The following CHN2 variants were observed in gnomAD, a reference collection of about 807,000 sequenced individuals.
CHN2 encodes the protein beta-chimaerin.
A neutral mutation model predicts 56.3 loss-of-function variants in CHN2; 35 were observed. The observed-to-expected ratio is 0.62, with a 90% CI of 0.47 to 0.82. The LOEUF (loss-of-function observed/expected upper bound fraction) is 0.82, where lower values mean the gene tolerates loss of function less well. Among genes scored for constraint, CHN2 ranks in the 40% least tolerant of loss-of-function variants. The probability of loss-of-function intolerance (pLI) is 0.00; values close to 1 mark genes in which losing one functional copy is unlikely to be tolerated. For synonymous variants in CHN2, 210 were observed against 212.8 expected (o/e 0.99, Z 0.12); for missense variants, 491 against 580.5 (o/e 0.85, Z 1.58).
At chr7:29,228,633 C>G (rs1786419503) in intron 1 of CHN2, among the ~76,000 whole-genome samples, 1 of 152,168 alleles carries the variant, frequency 6.6e-6, no homozygotes, top group Non-Finnish European at 1.5e-5. Context: ...AATGACTAGA[C>G]CAGCAATATG....
intron 1 of CHN2, among the ~76,000 whole-genome samples, chr7:29,352,718 G>T (rs1797981763): frequency 6.6e-6 from 1 of 151,966 alleles, no homozygotes; most frequent in African/African-American, 2.4e-5. Flanking sequence ...GTGGGACTCT[G>T]TCTCAAAAAA....
intron 1 of CHN2, among the ~76,000 whole-genome samples, chr7:29,314,464 A>G (rs1280055667): frequency 6.6e-6 from 1 of 152,214 alleles, no homozygotes; most frequent in Non-Finnish European, 1.5e-5. Context: ...TTGGTCTCAC[A>G]ACCATGTCAA....
At chr7:29,357,555 A>C (rs562446130) in intron 2 of CHN2, among the ~76,000 whole-genome samples, 1 of 152,384 alleles carries the variant, frequency 6.6e-6, no homozygotes, top group African/African-American at 2.4e-5. Flanking sequence ...TCAACAATGA[A>C]TAAAATGTGG....
At chr7:29,425,239 T>G (rs1301173072) in intron 6 of CHN2, among the ~76,000 whole-genome samples, 1 of 152,226 alleles carries the variant, frequency 6.6e-6, no homozygotes, top group Non-Finnish European at 1.5e-5. Context: ...GATGTAGATT[T>G]CCAGATGAGT....
chr7:29,151,088 T>C (rs1793528848), intron 2 of CHN2, among the ~76,000 whole-genome samples: 1 of 152,196 alleles, frequency 6.6e-6, no homozygotes, highest in Admixed American at 6.5e-5. Context: ...CACAGACACA[T>C]GCCCTGATCA....
intron 1 of CHN2, among the ~76,000 whole-genome samples, chr7:29,305,787 C>CG (rs1794094752): frequency 6.6e-6 from 1 of 151,986 alleles, no homozygotes; most frequent in Non-Finnish European, 1.5e-5. Flanking sequence ...CTTCTCCTCC[C>CG]CTCCATCCTC....
chr7:29,503,546 T>A (rs941690647), intron 9 of CHN2, among the ~76,000 whole-genome samples: 9 of 152,136 alleles, frequency 5.9e-5, no homozygotes, highest in African/African-American at 2.2e-4. Flanking sequence ...CAATTGGAAC[T>A]GAGATGAATT....
chr7:29,292,999 T>A (rs1274282326), intron 1 of CHN2: 2 of 456,168 alleles, frequency 4.4e-6, no homozygotes, highest in Non-Finnish European at 8.8e-6. Context: ...GTCTTTGCAC[T>A]CAGAGCCAGC....
intron 7 of CHN2, among the ~76,000 whole-genome samples, chr7:29,480,878 G>A (rs1251195483): frequency 6.7e-6 from 1 of 148,638 alleles, no homozygotes; most frequent in Non-Finnish European, 1.5e-5. Flanking sequence ...TTTGTGCTCC[G>A]GGTACGGCTA....
intron 1 of CHN2, chr7:29,197,863 G>A (rs1446111204): frequency 4.0e-5 from 18 of 453,994 alleles, no homozygotes; most frequent in Middle Eastern, 3.2e-4. Context: ...CAAATTAGAG[G>A]GGTCAGTGGA....
At chr7:29,353,519 G>A (rs1798043416) in intron 1 of CHN2, among the ~76,000 whole-genome samples, 1 of 152,180 alleles carries the variant, frequency 6.6e-6, no homozygotes, top group African/African-American at 2.4e-5. Flanking sequence ...GCTGGGTGTG[G>A]TGGCGCACAC....
intron 1 of CHN2, among the ~76,000 whole-genome samples, chr7:29,225,044 C>G (rs529986726): frequency 1.3e-5 from 2 of 152,302 alleles, no homozygotes; most frequent in East Asian, 3.9e-4. Flanking sequence ...TGTAGCCTGC[C>G]TGAGTTGACA....
At chr7:29,249,950 C>G (rs1296397190) in intron 1 of CHN2, among the ~76,000 whole-genome samples, 2 of 152,126 alleles carry the variant, frequency 1.3e-5, no homozygotes, top group African/African-American at 2.4e-5. Context: ...TAAGAATTAC[C>G]TTTTCTTCTA....
chr7:29,202,762 G>A (rs897330168), intron 1 of CHN2, among the ~76,000 whole-genome samples: 1 of 152,216 alleles, frequency 6.6e-6, no homozygotes, highest in African/African-American at 2.4e-5. Context: ...TCCTTTTCAA[G>A]GAAGTGAAAC....
chr7:29,239,875 A>G (rs1423123874), intron 1 of CHN2, among the ~76,000 whole-genome samples: 1 of 152,222 alleles, frequency 6.6e-6, no homozygotes, highest in Non-Finnish European at 1.5e-5. Context: ...AAGTGCTCCT[A>G]TCAGGGAGAG....
At chr7:29,241,561 C>T (rs1196772032) in intron 1 of CHN2, among the ~76,000 whole-genome samples, 1 of 152,048 alleles carries the variant, frequency 6.6e-6, no homozygotes, top group Non-Finnish European at 1.5e-5. Flanking sequence ...TGAAAAGGAG[C>T]CTACCAGGCA....
chr7:29,416,378 A>G (rs944986773), intron 6 of CHN2, among the ~76,000 whole-genome samples: 6 of 152,256 alleles, frequency 3.9e-5, no homozygotes, highest in Admixed American at 2.0e-4. Flanking sequence ...GGATATTGAA[A>G]TGGAAATGTT....
chr7:29,305,841 T>TCTCCTCCTCCTCCTCCTTC (rs1562905123), intron 1 of CHN2, among the ~76,000 whole-genome samples: 1 of 150,492 alleles, frequency 6.6e-6, no homozygotes. Context: ...CCTCCTCCTT[T>TCTCCTCCTCCTCCTCCTTC]TCCTTTCTCT....
intron 1 of CHN2, among the ~76,000 whole-genome samples, chr7:29,203,381 C>T (rs1183805439): frequency 3.5e-5 from 5 of 142,972 alleles, no homozygotes; most frequent in South Asian, 2.2e-4. Context: ...GCACAAGAAT[C>T]GCTTGAATCC....
Sources: allele counts gnomAD v4.1 joint callset (sites outside exome capture counted in the v4.1 genomes callset), GRCh38; gene constraint gnomAD v4.1.1; transcripts MANE v1.5; gene names NCBI Gene and HGNC (gene_info 2026-07-23, HGNC 2026-07-21).